The following FMNL2 variants were observed in gnomAD, a reference collection of about 807,000 sequenced individuals.
FMNL2 encodes the protein formin-like protein 2.
FMNL2 carries 51 observed loss-of-function variants against 130.2 expected under a neutral mutation model. The observed-to-expected ratio is 0.39, with a 90% confidence interval of 0.31 to 0.49. The LOEUF is 0.49. Among genes scored for constraint, FMNL2 ranks in the 20% least tolerant of loss-of-function variants. FMNL2 has a pLI of 0.85. For synonymous variants in FMNL2, 465 were observed against 467.1 expected, an observed-to-expected ratio of 1.00 and a Z score of 0.06; for missense variants, 977 against 1,316.2, an observed-to-expected ratio of 0.74 and a Z score of 3.99.
chr2:152,508,223 C>G (rs1228627464), intron 1 of FMNL2, among the ~76,000 whole-genome samples: 2 of 151,964 alleles, frequency 1.3e-5, no homozygotes, highest in African/African-American at 4.8e-5. Flanking sequence ...AACGACAGAC[C>G]CCCGAGATAG....
At chr2:152,479,989 G>T (rs1690403958) in intron 1 of FMNL2, among the ~76,000 whole-genome samples, 1 of 152,160 alleles carries the variant, frequency 6.6e-6, no homozygotes, top group Non-Finnish European at 1.5e-5. Context: ...AACTCGTTCG[G>T]CGGAAGAACA....
intron 1 of FMNL2, among the ~76,000 whole-genome samples, chr2:152,410,623 G>A (rs1411888085): frequency 6.6e-6 from 1 of 152,138 alleles, no homozygotes; most frequent in African/African-American, 2.4e-5. Flanking sequence ...TTCAATAGTG[G>A]GCCAGTCAAG....
intron 1 of FMNL2, among the ~76,000 whole-genome samples, chr2:152,520,709 A>G (rs1213921350): frequency 6.6e-6 from 1 of 152,154 alleles, no homozygotes; most frequent in African/African-American, 2.4e-5. Context: ...TAGATGTTAG[A>G]TTGAGTTTAA....
At chr2:152,502,722 G>A (rs887213368) in intron 1 of FMNL2, among the ~76,000 whole-genome samples, 16 of 152,110 alleles carry the variant, frequency 1.1e-4, no homozygotes, top group African/African-American at 3.9e-4. Context: ...AACAAAATAA[G>A]TACCATCTTT....
intron 15 of FMNL2, among the ~76,000 whole-genome samples, chr2:152,624,574 C>T (rs1018683589): frequency 6.6e-6 from 1 of 152,098 alleles, no homozygotes; most frequent in African/African-American, 2.4e-5. Context: ...CAAGATGGCT[C>T]ACGCCTGTAA....
intron 1 of FMNL2, among the ~76,000 whole-genome samples, chr2:152,400,922 C>T (rs1685660653): frequency 6.6e-6 from 1 of 152,216 alleles, no homozygotes; most frequent in Non-Finnish European, 1.5e-5. Flanking sequence ...GTATCCTGCC[C>T]AAACCACAGC....
intron 4 of FMNL2, among the ~76,000 whole-genome samples, chr2:152,551,042 G>A (rs1184747515): frequency 6.6e-6 from 1 of 151,596 alleles, no homozygotes; most frequent in Non-Finnish European, 1.5e-5. Context: ...GGGAGGCTGA[G>A]GCAGGAGAAT....
At chr2:152,394,478 A>T (rs1685286037) in intron 1 of FMNL2, among the ~76,000 whole-genome samples, 1 of 152,146 alleles carries the variant, frequency 6.6e-6, no homozygotes, top group African/African-American at 2.4e-5. Flanking sequence ...GAAGTATGGT[A>T]CCAAACTGTG....
At chr2:152,407,417 C>G (rs568638661) in intron 1 of FMNL2, among the ~76,000 whole-genome samples, 1 of 152,106 alleles carries the variant, frequency 6.6e-6, no homozygotes, top group South Asian at 2.1e-4. Context: ...GTCTGCCTTT[C>G]TGCCGACTCC....
At chr2:152,481,117 T>C (rs1690495337) in intron 1 of FMNL2, among the ~76,000 whole-genome samples, 1 of 152,238 alleles carries the variant, frequency 6.6e-6, no homozygotes. Context: ...TTGCATGGAC[T>C]CTTTTATGGC....
chr2:152,413,392 C>G (rs1480308350), intron 1 of FMNL2, among the ~76,000 whole-genome samples: 1 of 152,068 alleles, frequency 6.6e-6, no homozygotes, highest in Non-Finnish European at 1.5e-5. Flanking sequence ...GGAAAGTTTG[C>G]TGCACCTAAC....
chr2:152,381,315 C>T (rs1488087496), intron 1 of FMNL2, among the ~76,000 whole-genome samples: 1 of 152,124 alleles, frequency 6.6e-6, no homozygotes, highest in Non-Finnish European at 1.5e-5. Context: ...TCATACGTTT[C>T]AGCTTGGTGT....
chr2:152,402,137 C>T (rs1054412921), intron 1 of FMNL2, among the ~76,000 whole-genome samples: 5 of 152,066 alleles, frequency 3.3e-5, no homozygotes, highest in Non-Finnish European at 4.4e-5. Context: ...CTCCTGACCT[C>T]ATGATCCGCC....
intron 1 of FMNL2, among the ~76,000 whole-genome samples, chr2:152,452,649 G>C (rs1349318610): frequency 6.6e-6 from 1 of 152,186 alleles, no homozygotes; most frequent in African/African-American, 2.4e-5. Flanking sequence ...TGTGGGAAGT[G>C]AGGGGCTATT....
intron 1 of FMNL2, among the ~76,000 whole-genome samples, chr2:152,469,729 C>A (rs2105174001): frequency 6.6e-6 from 1 of 152,242 alleles, no homozygotes; most frequent in East Asian, 1.9e-4. Context: ...TCTTTTTCTT[C>A]TGCTATGTTT....
chr2:152,578,097 G>A (rs1696575770), intron 7 of FMNL2, among the ~76,000 whole-genome samples: 1 of 152,168 alleles, frequency 6.6e-6, no homozygotes. Flanking sequence ...GTTGGCCTTA[G>A]TTTGGAGCAC....
At chr2:152,479,513 G>C (rs539596332) in intron 1 of FMNL2, among the ~76,000 whole-genome samples, 2 of 152,070 alleles carry the variant, frequency 1.3e-5, no homozygotes, top group East Asian at 1.9e-4. Context: ...CCACTTTTTG[G>C]CTCCTTCTAT....
intron 25 of FMNL2, among the ~76,000 whole-genome samples, chr2:152,645,020 T>C (rs1304306806): frequency 6.6e-6 from 1 of 152,248 alleles, no homozygotes; most frequent in Non-Finnish European, 1.5e-5. Flanking sequence ...GTTTATTTTG[T>C]GGCATAACTA....
At chr2:152,623,977 T>G (rs972238116) in intron 15 of FMNL2, among the ~76,000 whole-genome samples, 3 of 149,418 alleles carry the variant, frequency 2.0e-5, no homozygotes, top group African/African-American at 7.4e-5. Context: ...AGAACTTGCT[T>G]TTCAAAATGA....
Sources: gnomAD v4.1 joint callset for allele counts (sites outside exome capture counted in the v4.1 genomes callset) on GRCh38, gnomAD v4.1.1 for gene constraint, MANE v1.5 for transcripts, NCBI Gene and HGNC (gene_info 2026-07-23, HGNC 2026-07-21) for gene names.